The following VCL variants were observed in gnomAD, a reference collection of about 807,000 sequenced individuals.
The protein encoded by VCL is epididymis luminal protein 114.
A neutral mutation model predicts 125.7 loss-of-function variants in VCL; 47 were observed. The ratio of observed to expected loss-of-function variants is 0.37; its 90% CI spans 0.30 to 0.48. The LOEUF (loss-of-function observed/expected upper bound fraction) is 0.48. Ranked by LOEUF, VCL falls within the 20% of genes least tolerant of loss-of-function variation. The pLI, the probability that VCL is intolerant of heterozygous loss-of-function variation, is 0.99. For missense variants in VCL, 1,069 were observed against 1,455.5 expected (o/e 0.73, Z 4.32); for synonymous variants, 458 against 514.6 (o/e 0.89, Z 1.49).
chr10:74,117,909 G>C (rs1840334705), intron 21 of VCL, 114 bp from the exon 22 acceptor site: 1 of 1,449,258 alleles, frequency 6.9e-7, no homozygotes, highest in African/African-American at 1.4e-5. Flanking sequence ...AGCAAATATG[G>C]GGGATGCCAG....
chr10:74,053,758 C>T (rs766405766), intron 2 of VCL, among the ~76,000 whole-genome samples: 151 of 151,858 alleles, frequency 9.9e-4, no homozygotes, highest in Non-Finnish European at 1.5e-3. Flanking sequence ...TTACAGGTGC[C>T]CGCCACCATG....
intron 1 of VCL, among the ~76,000 whole-genome samples, chr10:73,998,659 C>T (rs1840164265): frequency 6.6e-6 from 1 of 152,208 alleles, no homozygotes; most frequent in Admixed American, 6.5e-5. Context: ...TCGTGGAGTG[C>T]CTCGCGCGGC....
At chr10:74,038,862 CTACCTTTGAAGGCTTT>C (rs560267806) in intron 1 of VCL, among the ~76,000 whole-genome samples, 83 of 152,214 alleles carry the variant, frequency 5.5e-4, no homozygotes, top group African/African-American at 1.9e-3. Flanking sequence ...TCTAGCATTG[CTACCTTTGAAGGCTTT>C]TTATTTCATT....
chr10:74,099,895 A>G (rs896073021), intron 13 of VCL, among the ~76,000 whole-genome samples: 1 of 152,218 alleles, frequency 6.6e-6, no homozygotes, highest in African/African-American at 2.4e-5. Flanking sequence ...TGGGGAAGAG[A>G]CTTGAGAAGA....
chr10:74,003,752 C>T (rs1175734375), intron 1 of VCL, among the ~76,000 whole-genome samples: 4 of 152,164 alleles, frequency 2.6e-5, no homozygotes, highest in Admixed American at 1.3e-4. Context: ...GATGGAGTCG[C>T]TCTGTCGCCC....
chr10:74,096,985 G>A (rs367849181), intron 12 of VCL, among the ~76,000 whole-genome samples: 1 of 152,298 alleles, frequency 6.6e-6, no homozygotes, highest in East Asian at 1.9e-4. Flanking sequence ...CTAGGGACAT[G>A]TGGGTCATGT....
chr10:74,015,283 T>G (rs1840515999), intron 1 of VCL, among the ~76,000 whole-genome samples: 1 of 152,246 alleles, frequency 6.6e-6, no homozygotes, highest in Non-Finnish European at 1.5e-5. Flanking sequence ...CCAGGCCCTG[T>G]GGCTCACGCC....
At chr10:74,077,714 A>G (rs1272454498) in intron 6 of VCL, 1 of 455,964 alleles carries the variant, frequency 2.2e-6, no homozygotes, top group African/African-American at 2.0e-5. Context: ...TTCTTCTGGA[A>G]AGTGATGATT....
intron 1 of VCL, among the ~76,000 whole-genome samples, chr10:74,020,566 C>T (rs557792827): frequency 6.6e-6 from 1 of 152,196 alleles, no homozygotes; most frequent in South Asian, 2.1e-4. Flanking sequence ...GGGTCAATCA[C>T]TTGGTGGCTC....
At chr10:74,043,726 C>T (rs1841141028) in intron 2 of VCL, among the ~76,000 whole-genome samples, 1 of 152,198 alleles carries the variant, frequency 6.6e-6, no homozygotes, top group Non-Finnish European at 1.5e-5. Flanking sequence ...CAGAGACCCA[C>T]TGTGACTATA....
intron 1 of VCL, among the ~76,000 whole-genome samples, chr10:74,020,795 C>T (rs1008491421): frequency 1.4e-5 from 2 of 141,962 alleles, no homozygotes; most frequent in African/African-American, 5.5e-5. Context: ...GAACCATGAT[C>T]GCCCCACTGC....
intron 2 of VCL, among the ~76,000 whole-genome samples, chr10:74,047,198 G>A (rs1229145377): frequency 3.3e-5 from 5 of 152,142 alleles, no homozygotes; most frequent in African/African-American, 1.2e-4. Context: ...TTGGGAGGCC[G>A]AGGTGGGAGG....
At chr10:74,029,785 G>T (rs1010696256) in intron 1 of VCL, among the ~76,000 whole-genome samples, 5 of 152,074 alleles carry the variant, frequency 3.3e-5, no homozygotes, top group Non-Finnish European at 7.4e-5. Context: ...TATTTATGAA[G>T]AATATTGTTG....
rs1357175067 is a variant in VCL, at chr10:74,097,160, G to C, written c.1744-44G>C. 1 of 1,607,728 alleles carries C rather than the reference G, an allele frequency of 6.2e-7. No individual in the cohort carries two copies. The highest frequency in any genetic ancestry group is 1.3e-5 in the African/African-American group (1 of 74,848). On this transcript the variant is annotated intron_variant, in intron 12 of 21. Transcript: ENST00000211998. The surrounding 1 kb of genome is among the most constrained non-coding windows in gnomAD (Gnocchi z 4.1). ...GTAAGGGCATTAGTAGATATGCTTTGAGGATGTATCTGGACATTTTCATAT... is the reference window on the plus strand; with the variant it reads ...GTAAGGGCATTAGTAGATATGCTTTCAGGATGTATCTGGACATTTTCATAT...
intron 1 of VCL, among the ~76,000 whole-genome samples, chr10:73,998,804 G>A (rs1180505577): frequency 6.6e-6 from 1 of 152,326 alleles, no homozygotes; most frequent in East Asian, 1.9e-4. Flanking sequence ...TGGCTGTGCG[G>A]GGGAGGGAGA....
intron 1 of VCL, among the ~76,000 whole-genome samples, chr10:74,033,807 G>C (rs973524895): frequency 3.3e-5 from 5 of 152,218 alleles, no homozygotes; most frequent in Admixed American, 6.5e-5. Flanking sequence ...CCCTCTCAGA[G>C]CTGGTTTTCT....
chr10:74,043,387 C>T (rs1225925622), intron 2 of VCL, among the ~76,000 whole-genome samples: 1 of 151,540 alleles, frequency 6.6e-6, no homozygotes, highest in Admixed American at 6.6e-5. Flanking sequence ...ACCCTCGTCA[C>T]CCAGTTTGGA....
At chr10:74,109,260 C>T in intron 18 of VCL, 104 bp downstream of exon 18, 2 of 1,432,252 alleles carry the variant, frequency 1.4e-6, no homozygotes, top group Non-Finnish European at 1.9e-6. Context: ...CACCCTCTCT[C>T]TCTCCTTTGG....
chr10:74,101,007 C>T lies in VCL; in HGVS notation c.1932C>T (p.Ala644=), dbSNP rs762594014. 23 of 1,613,768 alleles carry T rather than the reference C, an allele frequency of 1.4e-5. No individual in the cohort carries two copies. The Admixed American group carries it at 2.7e-4, about 19-fold the overall frequency. ...ATTCAGGAAAGCTTGGTGCTACGGC[C>T]GAGAAGGCGGCTGCGGTTGGTACTG... The part of the protein sequence containing the change: ...ENHSGKLGAT[A]EKAAAVGTAN... The change falls in exon 14 of 22, where the codon GCC becomes GCT. Residue 644 remains alanine (A), a synonymous_variant. Transcript: ENST00000211998.
Sources: allele counts gnomAD v4.1 joint callset (sites outside exome capture counted in the v4.1 genomes callset), GRCh38; gene constraint gnomAD v4.1.1; non-coding constraint Gnocchi (gnomAD v3.1); transcripts MANE v1.5; gene names NCBI Gene and HGNC (gene_info 2026-07-23, HGNC 2026-07-21).